The following BMAL1 variants were observed in gnomAD, a reference collection of about 807,000 sequenced individuals.
The protein encoded by BMAL1 is basic helix-loop-helix ARNT-like protein 1.
chr11:13,328,213 A>G, the BMAL1 span, among the ~76,000 whole-genome samples: 1 of 152,120 alleles, frequency 6.6e-6, no homozygotes, highest in South Asian at 2.1e-4. Context: ...TAGGAATTTT[A>G]TTATGAGTTA....
the BMAL1 span, among the ~76,000 whole-genome samples, chr11:13,331,560 T>C: frequency 6.6e-6 from 1 of 152,212 alleles, no homozygotes; most frequent in Non-Finnish European, 1.5e-5. Context: ...CCAAGTTCCC[T>C]GGAGTACCCT....
chr11:13,364,683 G>A, the BMAL1 span, among the ~76,000 whole-genome samples: 1 of 152,176 alleles, frequency 6.6e-6, no homozygotes, highest in Non-Finnish European at 1.5e-5. Flanking sequence ...AAGCTCTCAG[G>A]CACTATAGCT....
the BMAL1 span, among the ~76,000 whole-genome samples, chr11:13,334,268 A>G: frequency 1.3e-5 from 2 of 152,230 alleles, no homozygotes; most frequent in Non-Finnish European, 2.9e-5. Flanking sequence ...CCTTTCCTGC[A>G]TAGTGCCAAA....
At chr11:13,382,578 G>C in the BMAL1 span, among the ~76,000 whole-genome samples, 1 of 151,790 alleles carries the variant, frequency 6.6e-6, no homozygotes, top group Admixed American at 6.6e-5. Context: ...ATACCTCCAG[G>C]TCCTTCCTGC....
At chr11:13,336,141 A>G in the BMAL1 span, among the ~76,000 whole-genome samples, 1 of 152,254 alleles carries the variant, frequency 6.6e-6, no homozygotes, top group Non-Finnish European at 1.5e-5. Context: ...GTAGAAGTCC[A>G]AATTTTTAAC....
the BMAL1 span, among the ~76,000 whole-genome samples, chr11:13,291,203 A>G: frequency 4.7e-4 from 71 of 152,350 alleles, no homozygotes; most frequent in African/African-American, 1.6e-3. Flanking sequence ...TGTGATTCTG[A>G]TAACAATACC....
At chr11:13,334,322 C>G in the BMAL1 span, among the ~76,000 whole-genome samples, 1 of 152,200 alleles carries the variant, frequency 6.6e-6, no homozygotes, top group Non-Finnish European at 1.5e-5. Flanking sequence ...CCTGCTTTAA[C>G]TTATTTTGCA....
chr11:13,363,152 A>ATATC, the BMAL1 span, among the ~76,000 whole-genome samples: 1 of 71,396 alleles, frequency 1.4e-5, no homozygotes, highest in East Asian at 2.9e-4. Flanking sequence ...ATATATATAT[A>ATATC]TATATATATA....
the BMAL1 span, among the ~76,000 whole-genome samples, chr11:13,326,154 A>C: frequency 6.6e-6 from 1 of 151,572 alleles, no homozygotes; most frequent in Non-Finnish European, 1.5e-5. Context: ...AGTTGAGCCG[A>C]TATCATGCCA....
At chr11:13,342,348 G>A in the BMAL1 span, among the ~76,000 whole-genome samples, 1 of 152,172 alleles carries the variant, frequency 6.6e-6, no homozygotes, top group African/African-American at 2.4e-5. Flanking sequence ...CCAAGAGCCT[G>A]GGAAATAAGC....
the BMAL1 span, among the ~76,000 whole-genome samples, chr11:13,316,830 A>G: frequency 6.6e-6 from 1 of 152,244 alleles, no homozygotes; most frequent in Non-Finnish European, 1.5e-5. Flanking sequence ...GCCAGCAGCA[A>G]ACTGAGATGG....
At chr11:13,386,845 A>AG in the BMAL1 span, 2 of 1,481,456 alleles carry the variant, frequency 1.4e-6, no homozygotes, top group African/African-American at 2.8e-5. Flanking sequence ...GGATAAGGAG[A>AG]GAATAGCTTT....
chr11:13,351,565 C>T, the BMAL1 span, among the ~76,000 whole-genome samples: 4 of 152,150 alleles, frequency 2.6e-5, no homozygotes, highest in African/African-American at 9.7e-5. Flanking sequence ...GCTAGAGCCC[C>T]TGGAGAGTGT....
chr11:13,330,829 G>A, the BMAL1 span, among the ~76,000 whole-genome samples: 1 of 152,230 alleles, frequency 6.6e-6, no homozygotes, highest in African/African-American at 2.4e-5. Context: ...ACTCAAAGGC[G>A]CAGTATTGTG....
the BMAL1 span, among the ~76,000 whole-genome samples, chr11:13,289,987 A>G: frequency 1.3e-5 from 2 of 152,194 alleles, no homozygotes; most frequent in Non-Finnish European, 2.9e-5. Context: ...GAACTAGTTT[A>G]CACTCCCACC....
At chr11:13,373,799 A>G in the BMAL1 span, among the ~76,000 whole-genome samples, 1 of 152,182 alleles carries the variant, frequency 6.6e-6, no homozygotes, top group South Asian at 2.1e-4. Flanking sequence ...ATGAACCACC[A>G]TGCCCGACTG....
At chr11:13,284,110 GTATATATA>G in the BMAL1 span, among the ~76,000 whole-genome samples, 3,169 of 48,294 alleles carry the variant, frequency 0.066, 332 homozygotes, top group African/African-American at 0.093. Context: ...GTGTGTGTGT[GTATATATA>G]TGTGTGTGTG....
At chr11:13,374,255 A>G in the BMAL1 span, 2 of 1,507,598 alleles carry the variant, frequency 1.3e-6, no homozygotes, top group Non-Finnish European at 1.8e-6. Context: ...TTGCTTCTAG[A>G]CTAGTCAACA....
At chr11:13,327,107 A>G in the BMAL1 span, among the ~76,000 whole-genome samples, 3 of 151,944 alleles carry the variant, frequency 2.0e-5, no homozygotes, top group East Asian at 6.0e-4. Flanking sequence ...GGTGTGAGCC[A>G]CTGCGCCCAG....
Sources: allele counts gnomAD v4.1 joint callset (sites outside exome capture counted in the v4.1 genomes callset), GRCh38; gene constraint gnomAD v4.1.1; transcripts MANE v1.5; gene names NCBI Gene and HGNC (gene_info 2026-07-23, HGNC 2026-07-21).